The following GAB2 variants were observed in gnomAD, a reference collection of about 807,000 sequenced individuals.
GAB2 encodes the protein GRB2-associated-binding protein 2.
Under a neutral mutation model 65.5 loss-of-function variants are expected in GAB2, and 26 were observed. The ratio of observed to expected loss-of-function variants is 0.40; its 90% confidence interval spans 0.29 to 0.55. The LOEUF (loss-of-function observed/expected upper bound fraction) is 0.55, where lower values mean the gene tolerates loss of function less well. Ranked by LOEUF, GAB2 falls within the 20% of genes least tolerant of loss-of-function variation. GAB2 has a pLI of 0.53. For missense variants in GAB2, 884 were observed against 875.8 expected (o/e 1.01, Z -0.12); for synonymous variants, 321 against 329.6 (o/e 0.97, Z 0.28).
chr11:78,296,123 G>A (rs7104222), intron 1 of GAB2, among the ~76,000 whole-genome samples: 34,184 of 152,040 alleles, frequency 0.22, 4,274 homozygotes, highest in East Asian at 0.4. Flanking sequence ...ATGAGAATCT[G>A]ATGTCACCGC....
intron 3 of GAB2, among the ~76,000 whole-genome samples, chr11:78,238,780 G>A (rs1431668215): frequency 6.6e-6 from 1 of 152,092 alleles, no homozygotes; most frequent in African/African-American, 2.4e-5. Flanking sequence ...TAAAAATGCA[G>A]AAATTGAACA....
intron 4 of GAB2, among the ~76,000 whole-genome samples, chr11:78,226,255 C>T (rs950431853): frequency 1.3e-5 from 2 of 152,198 alleles, no homozygotes; most frequent in African/African-American, 4.8e-5. Context: ...CTGGGGCTAG[C>T]TCTGTTAGAC....
chr11:78,384,593 G>A (rs1407443654), intron 1 of GAB2, among the ~76,000 whole-genome samples: 1 of 152,210 alleles, frequency 6.6e-6, no homozygotes, highest in Non-Finnish European at 1.5e-5. Flanking sequence ...CGCTTGCAGA[G>A]AGAACCTGGT....
At chr11:78,411,253 ATATAG>A (rs1160969349) in intron 1 of GAB2, among the ~76,000 whole-genome samples, 2 of 152,204 alleles carry the variant, frequency 1.3e-5, no homozygotes, top group Admixed American at 6.5e-5. Context: ...GGAAGATTTA[ATATAG>A]TAAAGCTGTA....
intron 9 of GAB2, among the ~76,000 whole-genome samples, 175 bp from the exon 10 acceptor site, chr11:78,219,590 C>A (rs896693285): frequency 6.6e-6 from 1 of 152,176 alleles, no homozygotes; most frequent in Non-Finnish European, 1.5e-5. Context: ...GGCTTTAAAG[C>A]TCAGACTCCA....
intron 1 of GAB2, among the ~76,000 whole-genome samples, chr11:78,287,648 C>A (rs77479865): frequency 7.2e-6 from 1 of 139,716 alleles, no homozygotes; most frequent in African/African-American, 2.8e-5. Flanking sequence ...TTGCTCTTAT[C>A]ATTTTTTTTT....
At chr11:78,220,144 AGTCTTTAGACC>A (rs565610875) in intron 9 of GAB2, among the ~76,000 whole-genome samples, 164 bp downstream of exon 9, 153 of 152,276 alleles carry the variant, frequency 1.0e-3, no homozygotes, top group African/African-American at 3.6e-3. Flanking sequence ...CAGGAATAGG[AGTCTTTAGACC>A]TAGATGAAAG....
In GAB2 at chr11:78,226,639, C is replaced by G. The variant is rs1864667305; in HGVS notation, c.1033G>C (p.Gly345Arg). The G allele has an allele frequency of 6.2e-7, 1 of 1,613,952 alleles. No homozygotes were observed. The change falls in exon 4 of 10, where the codon GGG becomes CGG. Residue 345 changes from glycine to arginine, a missense_variant. By Grantham distance (125) the Gly-to-Arg change is moderately radical (BLOSUM62 -2). Coordinates refer to ENST00000361507, the MANE Select transcript of GAB2 (RefSeq NM_080491.3). ...NHNAMTVATPGDSAIAPPPRP... is the reference protein window; with the variant it reads ...NHNAMTVATPRDSAIAPPPRP... ...GGTGGGGGAGCTATGGCTGAGTCCC[C>G]AGGAGTGGCCACTGTCATGGCATTG...
rs2134444301 is a variant in GAB2 at position 78,217,479 on chromosome 11, T to G, written c.*1793A>C. On this transcript the variant is annotated 3_prime_UTR_variant, in exon 10 of 10. Transcript: ENST00000361507. The stretch of plus-strand genomic sequence containing the variant: ...GTGAACTATGCATGCTCATGGGAGC[T>G]GAAAGGGGAATGGGGGCAGAGGACA... 1 of 152,270 alleles carries G rather than the reference T, an allele frequency of 6.6e-6. No individual in the cohort carries two copies. The allele number at this position is 152,270 out of a possible 1,614,324, so 9.4% of individuals were successfully genotyped here.
At chr11:78,297,211 C>T (rs947532125) in intron 1 of GAB2, among the ~76,000 whole-genome samples, 3 of 151,716 alleles carry the variant, frequency 2.0e-5, no homozygotes, top group Non-Finnish European at 2.9e-5. Context: ...AGTTTGGTGA[C>T]GTTTATGTCG....
chr11:78,298,737 G>A (rs562146056), intron 1 of GAB2, among the ~76,000 whole-genome samples: 14 of 152,270 alleles, frequency 9.2e-5, no homozygotes, highest in African/African-American at 3.4e-4. Flanking sequence ...TTAAAGCACT[G>A]AATTAAGCAA....
chr11:78,394,161 A>G (rs1454978158), intron 1 of GAB2, among the ~76,000 whole-genome samples: 1 of 152,186 alleles, frequency 6.6e-6, no homozygotes, highest in East Asian at 1.9e-4. Context: ...GGTGGCACGC[A>G]TCTCTAGTCC....
intron 1 of GAB2, among the ~76,000 whole-genome samples, chr11:78,335,221 G>A (rs1429995349): frequency 6.6e-6 from 1 of 152,124 alleles, no homozygotes; most frequent in East Asian, 1.9e-4. Context: ...TGTCTCCTTT[G>A]CTGTTCAGAA....
chr11:78,225,518 C>T (rs1248844003), intron 4 of GAB2, among the ~76,000 whole-genome samples: 1 of 152,204 alleles, frequency 6.6e-6, no homozygotes, highest in East Asian at 1.9e-4. Flanking sequence ...CTCTGAACAC[C>T]ACAGTAACAA....
intron 1 of GAB2, among the ~76,000 whole-genome samples, chr11:78,374,140 T>C (rs1856605169): frequency 6.6e-6 from 1 of 152,142 alleles, no homozygotes; most frequent in South Asian, 2.1e-4. Flanking sequence ...AGACACACAT[T>C]CTAACAGCTT....
intron 3 of GAB2, among the ~76,000 whole-genome samples, chr11:78,230,418 C>A (rs936277991): frequency 2.6e-5 from 4 of 152,234 alleles, no homozygotes; most frequent in Non-Finnish European, 4.4e-5. Flanking sequence ...ACACAAAGTC[C>A]ACAAGAAGCC....
chr11:78,276,261 C>T (rs1442914914), intron 2 of GAB2, among the ~76,000 whole-genome samples: 1 of 152,024 alleles, frequency 6.6e-6, no homozygotes, highest in Non-Finnish European at 1.5e-5. Flanking sequence ...GATTATGCCA[C>T]TATATCCCAG....
intron 1 of GAB2, among the ~76,000 whole-genome samples, chr11:78,331,067 C>T (rs1855905326): frequency 6.6e-6 from 1 of 151,716 alleles, no homozygotes; most frequent in African/African-American, 2.4e-5. Flanking sequence ...CCCAGCTACT[C>T]GGGAGGCTGA....
In GAB2 at chr11:78,218,419, G is replaced by A. The variant is rs1311985788; in HGVS notation, c.*853C>T. 2.0e-5 allele frequency: 3 copies of A among 152,610 alleles called. No homozygotes were observed. The highest frequency in any genetic ancestry group is 7.2e-5 in the African/African-American group (3 of 41,480). The allele number at this position is 152,610 out of a possible 1,614,324, so 9.5% of individuals were successfully genotyped here. A position where few individuals can be genotyped will look rare whatever the true frequency, so the allele number is the denominator to read the frequency against. The stretch of plus-strand genomic sequence containing the variant: ...TGGGGCTGGCGGGGGCCTCTGAGGG[G>A]ACTGGGGAAGAGGACTAGCCCTTGG... On this transcript the variant is annotated 3_prime_UTR_variant, in exon 10 of 10. Coordinates refer to ENST00000361507, the MANE Select transcript of GAB2 (RefSeq NM_080491.3).
Sources: gnomAD v4.1 joint callset for allele counts (sites outside exome capture counted in the v4.1 genomes callset) on GRCh38, gnomAD v4.1.1 for gene constraint, MANE v1.5 for transcripts, NCBI Gene and HGNC (gene_info 2026-07-23, HGNC 2026-07-21) for gene names.